The following KIAA1217 variants were observed in gnomAD, a reference collection of about 807,000 sequenced individuals.
KIAA1217 encodes the protein KIAA1217.
A neutral mutation model predicts 163.9 loss-of-function variants in KIAA1217; 88 were observed. The ratio of observed to expected loss-of-function variants is 0.54; its 90% CI spans 0.45 to 0.64. KIAA1217 has a LOEUF of 0.64. KIAA1217 is among the 30% of genes least tolerant of loss of function. The pLI is 0.00. For missense variants in KIAA1217, 2,372 were observed against 2,475.0 expected, an observed-to-expected ratio of 0.96 and a Z score of 0.88; for synonymous variants, 903 against 923.1, an observed-to-expected ratio of 0.98 and a Z score of 0.39.
intron 2 of KIAA1217, chr10:24,042,301 G>T (rs1260088361): frequency 6.7e-6 from 1 of 149,980 alleles, no homozygotes; most frequent in Non-Finnish European, 1.5e-5. Flanking sequence ...AAACCCTCTC[G>T]CTTGGCTAGA....
intron 3 of KIAA1217, among the ~76,000 whole-genome samples, chr10:24,392,848 C>CTT (rs2055169320): frequency 6.6e-6 from 1 of 152,192 alleles, no homozygotes; most frequent in African/African-American, 2.4e-5. Flanking sequence ...TTATCAGCCT[C>CTT]TTTTGTTTCC....
intron 17 of KIAA1217, among the ~76,000 whole-genome samples, chr10:24,540,881 G>A (rs1202075266): frequency 1.3e-5 from 2 of 152,024 alleles, no homozygotes; most frequent in East Asian, 3.9e-4. Flanking sequence ...CGATTCTCCT[G>A]CCTCAGCCTC....
chr10:24,175,986 A>G lies in KIAA1217; in HGVS notation c.-170-43640A>G, dbSNP rs187469636. On this transcript the variant is annotated intron_variant, in intron 2 of 18. Transcript: ENST00000376462. The stretch of plus-strand genomic sequence containing the variant: ...AAGGGAGAAAGAACAAATCTTCCAC[A>G]CTGTGGAAGGGGACCCAAGCAGGTT... Among the ~76,000 whole-genome samples the G allele has an allele frequency of 1.2e-4, 18 of 152,248 alleles. No homozygotes were observed. The East Asian group carries it at 2.5e-3, about 21-fold the overall frequency.
At chr10:23,947,920 T>C (rs1844129611) in intron 1 of KIAA1217, among the ~76,000 whole-genome samples, 1 of 152,236 alleles carries the variant, frequency 6.6e-6, no homozygotes. Context: ...AGAGGTTCTT[T>C]TTCCTTAACT....
chr10:24,246,387 A>G (rs1295496673), intron 2 of KIAA1217, among the ~76,000 whole-genome samples: 1 of 152,198 alleles, frequency 6.6e-6, no homozygotes, highest in Non-Finnish European at 1.5e-5. Context: ...GTGGGAACGA[A>G]TCTGAAGGAC....
At chr10:24,540,598 G>A (rs1402867667) in intron 17 of KIAA1217, among the ~76,000 whole-genome samples, 1 of 152,138 alleles carries the variant, frequency 6.6e-6, no homozygotes, top group Non-Finnish European at 1.5e-5. Context: ...CTAACCTCCA[G>A]TAAATAGACC....
At chr10:23,799,473 ATTTC>A (rs879370417) in intron 1 of KIAA1217, among the ~76,000 whole-genome samples, 139 of 152,278 alleles carry the variant, frequency 9.1e-4, no homozygotes, top group African/African-American at 3.1e-3. Context: ...TATTCAGCCT[ATTTC>A]TTTCCATTTT....
chr10:24,070,983 C>T (rs2061165531), intron 2 of KIAA1217, among the ~76,000 whole-genome samples: 1 of 152,014 alleles, frequency 6.6e-6, no homozygotes, highest in South Asian at 2.1e-4. Context: ...CTACAATTAT[C>T]ATTTTTTGAA....
intron 1 of KIAA1217, among the ~76,000 whole-genome samples, chr10:23,730,654 CT>C (rs71397915): frequency 0.32 from 48,432 of 151,632 alleles, 9,683 homozygotes; most frequent in African/African-American, 0.57. Context: ...TTTGTAGTGT[CT>C]TTATTTTATT....
intron 1 of KIAA1217, among the ~76,000 whole-genome samples, chr10:23,943,738 T>C (rs1843883217): frequency 6.6e-6 from 1 of 152,172 alleles, no homozygotes; most frequent in Non-Finnish European, 1.5e-5. Flanking sequence ...GAAGCCAAAA[T>C]AATCAGGACA....
chr10:24,363,688 T>C (rs748840494), intron 2 of KIAA1217, among the ~76,000 whole-genome samples: 30 of 151,908 alleles, frequency 2.0e-4, no homozygotes, highest in Middle Eastern at 3.4e-3. Flanking sequence ...CCTCCCACCT[T>C]AGCCTCCCAA....
At chr10:23,825,274 A>G (rs1837846426) in intron 1 of KIAA1217, among the ~76,000 whole-genome samples, 1 of 152,216 alleles carries the variant, frequency 6.6e-6, no homozygotes, top group African/African-American at 2.4e-5. Flanking sequence ...TTTTGGTGGG[A>G]GAAAAATGAA....
chr10:23,896,876 G>A (rs1841730104), intron 1 of KIAA1217, among the ~76,000 whole-genome samples: 1 of 152,044 alleles, frequency 6.6e-6, no homozygotes, highest in African/African-American at 2.4e-5. Flanking sequence ...TTGATTAAGG[G>A]TGGGTGGTGG....
At chr10:24,298,961 C>T (rs1201662859) in intron 2 of KIAA1217, among the ~76,000 whole-genome samples, 1 of 152,172 alleles carries the variant, frequency 6.6e-6, no homozygotes, top group African/African-American at 2.4e-5. Context: ...GTGCTCTTCT[C>T]TTCAACTTTC....
At chr10:24,064,237 C>G (rs1245059439) in intron 2 of KIAA1217, among the ~76,000 whole-genome samples, 31 of 152,106 alleles carry the variant, frequency 2.0e-4, no homozygotes, top group Admixed American at 2.0e-3. Flanking sequence ...AAAGGGAGTG[C>G]TTCTAGTTTT....
intron 1 of KIAA1217, among the ~76,000 whole-genome samples, chr10:23,752,044 T>G (rs764005963): frequency 6.6e-6 from 1 of 152,224 alleles, no homozygotes; most frequent in Non-Finnish European, 1.5e-5. Flanking sequence ...TCCACCCTCA[T>G]GTTAGAGGGA....
chr10:24,503,359 G>A (rs907492043), intron 9 of KIAA1217, among the ~76,000 whole-genome samples: 1 of 152,192 alleles, frequency 6.6e-6, no homozygotes, highest in Non-Finnish European at 1.5e-5. Context: ...GAATCTCATC[G>A]TCTGTGATGG....
Position 23,790,067 on chromosome 10 carries a change from GCATATACA to G in KIAA1217, c.-321+94847_-321+94854del, listed in dbSNP as rs1343951433. ...TATGCATATACACATATACACATAT[GCATATACA>G]CATATACACATATGCATATACACAT... On this transcript the variant is annotated intron_variant, in intron 1 of 18. Transcript: ENST00000376462. 4.2e-5 allele frequency among the ~76,000 whole-genome samples: 4 copies of G among 94,532 alleles called. 1 individual carries two copies. The highest frequency in any genetic ancestry group is 1.5e-4 in the African/African-American group (3 of 19,838). The allele number at this position is 94,532 out of a possible 152,430, so 62.0% of individuals were successfully genotyped here.
chr10:24,537,013 T>A (rs1420241565), intron 17 of KIAA1217, 120 bp downstream of exon 17: 2 of 1,190,176 alleles, frequency 1.7e-6, no homozygotes, highest in Non-Finnish European at 2.3e-6. Flanking sequence ...CTCTTTTTTT[T>A]AACTAATGGA....
Sources: allele counts gnomAD v4.1 joint callset (sites outside exome capture counted in the v4.1 genomes callset), GRCh38; gene constraint gnomAD v4.1.1; transcripts MANE v1.5; gene names NCBI Gene and HGNC (gene_info 2026-07-23, HGNC 2026-07-21).